Variants in WDR17 observed in about 807,000 individuals in gnomAD.
WDR17 encodes WD repeat domain 17, also known as WD repeat-containing protein 17.
WDR17 carries 143 observed loss-of-function variants against 161.7 expected under a neutral mutation model. That is an observed-to-expected ratio of 0.88 (90% confidence interval 0.77 to 1.02). The LOEUF is 1.02. Ranked by LOEUF, WDR17 falls within the 50% of genes least tolerant of loss-of-function variation. WDR17 has a pLI of 0.00. For missense variants in WDR17, 1,469 were observed against 1,520.9 expected, an observed-to-expected ratio of 0.97 and a Z score of 0.57; for synonymous variants, 517 against 515.6, an observed-to-expected ratio of 1.00 and a Z score of -0.04.
At chr4:176,100,899 A>G (rs1484392645) in intron 1 of WDR17, among the ~76,000 whole-genome samples, 1 of 152,030 alleles carries the variant, frequency 6.6e-6, no homozygotes, top group African/African-American at 2.4e-5. Flanking sequence ...CACTGTAGAT[A>G]TGTGGCTTTA....
chr4:176,163,527 T>C (rs1178453055), intron 22 of WDR17, among the ~76,000 whole-genome samples: 1 of 152,190 alleles, frequency 6.6e-6, no homozygotes, highest in East Asian at 1.9e-4. Flanking sequence ...TGTAATTCCG[T>C]AGTGTTTCAA....
At chr4:176,178,319 A>G (rs1417224587) in intron 28 of WDR17, among the ~76,000 whole-genome samples, 8 of 152,236 alleles carry the variant, frequency 5.3e-5, no homozygotes, top group Admixed American at 4.6e-4. Context: ...TCACAAATAG[A>G]GAACCAAGTC....
chr4:176,078,231 A>G (rs1290012219), intron 1 of WDR17, among the ~76,000 whole-genome samples: 4 of 152,070 alleles, frequency 2.6e-5, no homozygotes, highest in South Asian at 4.1e-4. Context: ...TAAATGTTTG[A>G]ATATTTATAA....
chr4:176,090,863 A>C (rs1407258522), intron 1 of WDR17, among the ~76,000 whole-genome samples: 1 of 152,086 alleles, frequency 6.6e-6, no homozygotes, highest in African/African-American at 2.4e-5. Flanking sequence ...TACAGGAAAC[A>C]AAGGGATGGG....
At chr4:176,124,973 C>T (rs1050376569) in intron 4 of WDR17, 131 bp from the exon 5 acceptor site, 8 of 1,019,706 alleles carry the variant, frequency 7.8e-6, no homozygotes, top group Admixed American at 5.4e-5. Flanking sequence ...ACGCCTTCTG[C>T]ATATAAGCAC....
chr4:176,177,303 C>T (rs1401960135), intron 27 of WDR17, 147 bp downstream of exon 27: 17 of 962,200 alleles, frequency 1.8e-5, no homozygotes, highest in South Asian at 1.2e-4. Flanking sequence ...TTTACAATAC[C>T]GTACTTTTCT....
At chr4:176,159,013 T>C (rs1302980806) in intron 18 of WDR17, among the ~76,000 whole-genome samples, 1 of 152,186 alleles carries the variant, frequency 6.6e-6, no homozygotes, top group East Asian at 1.9e-4. Context: ...AATACTTCGA[T>C]GACTCTATGA....
At chr4:176,067,913 A>G (rs919966986) in intron 1 of WDR17, among the ~76,000 whole-genome samples, 1 of 152,216 alleles carries the variant, frequency 6.6e-6, no homozygotes, top group Non-Finnish European at 1.5e-5. Flanking sequence ...TTAGGTTGTC[A>G]CTATTAATGA....
rs759110938 is a variant in WDR17, at chr4:176,125,280, A to C, written c.715A>C (p.Asn239His). The part of the protein sequence containing the change: ...SESLSCITTF[N>H]LPSAAASVQC... ...ATCACTTTCTTGCATAACAACATTT[A>C]ATCTTCCCAGTGCAGCAGCTTCTGT... is the stretch of plus-strand genomic sequence containing the variant. The change falls in exon 5 of 29, where the codon AAT becomes CAT. Residue 239 changes from asparagine (N) to histidine (H), a missense_variant. Asn to His is a moderately conservative substitution (Grantham distance 68). Coordinates refer to ENST00000508596, the MANE Select transcript of WDR17 (RefSeq NM_181265.4). The C allele has an allele frequency of 2.5e-6, 4 of 1,613,978 alleles. No individual in the cohort carries two copies. The African/African-American group carries it at 5.3e-5, about 22-fold the overall frequency.
At chr4:176,110,198 G>T (rs1288209715) in intron 1 of WDR17, among the ~76,000 whole-genome samples, 1 of 151,954 alleles carries the variant, frequency 6.6e-6, no homozygotes, top group African/African-American at 2.4e-5. Context: ...CTGGAGTGCA[G>T]TGGTGCCATC....
intron 1 of WDR17, among the ~76,000 whole-genome samples, chr4:176,101,688 A>C (rs1737853371): frequency 6.6e-6 from 1 of 152,210 alleles, no homozygotes; most frequent in African/African-American, 2.4e-5. Context: ...CAGATAGATC[A>C]ATGGAACAGA....
intron 1 of WDR17, among the ~76,000 whole-genome samples, chr4:176,100,840 G>T (rs894223530): frequency 1.3e-5 from 2 of 151,966 alleles, no homozygotes; most frequent in African/African-American, 4.8e-5. Flanking sequence ...ATTGAAAAGG[G>T]TATCCTTTCC....
intron 11 of WDR17, among the ~76,000 whole-genome samples, chr4:176,144,348 A>G (rs937693877): frequency 1.3e-5 from 2 of 152,208 alleles, no homozygotes; most frequent in Non-Finnish European, 2.9e-5. Flanking sequence ...TGTAAGCCCT[A>G]TGAGATCGCC....
chr4:176,090,147 A>G (rs1735928165), intron 1 of WDR17, among the ~76,000 whole-genome samples: 1 of 151,530 alleles, frequency 6.6e-6, no homozygotes, highest in Non-Finnish European at 1.5e-5. Context: ...GTTAGGGTAT[A>G]GTGAGGTGTT....
At chr4:176,127,823 G>A (rs901142003) in intron 5 of WDR17, among the ~76,000 whole-genome samples, 4 of 152,112 alleles carry the variant, frequency 2.6e-5, no homozygotes, top group Non-Finnish European at 4.4e-5. Context: ...ATACACACAT[G>A]TGCAAGCATA....
chr4:176,161,055 A>C (rs1259164914), intron 20 of WDR17, 53 bp downstream of exon 20: 37 of 1,495,052 alleles, frequency 2.5e-5, no homozygotes, highest in Non-Finnish European at 3.3e-5. Context: ...TCTTCCCTTT[A>C]GGAATTTTTG....
intron 21 of WDR17, 103 bp from the exon 22 acceptor site, chr4:176,163,051 T>G (rs938638123): frequency 5.5e-5 from 76 of 1,384,230 alleles, no homozygotes; most frequent in Non-Finnish European, 7.5e-5. Context: ...GAATAATTGA[T>G]TTATAGGTTA....
intron 1 of WDR17, among the ~76,000 whole-genome samples, chr4:176,103,098 G>A (rs1445895653): frequency 6.6e-6 from 1 of 152,138 alleles, no homozygotes; most frequent in African/African-American, 2.4e-5. Flanking sequence ...GGGACTTAAA[G>A]GGCTGAATCC....
intron 9 of WDR17, among the ~76,000 whole-genome samples, chr4:176,139,678 A>G (rs1744946271): frequency 6.6e-6 from 1 of 152,134 alleles, no homozygotes. Context: ...ATGTCTTAAA[A>G]CAACAGATTG....
Sources: allele counts gnomAD v4.1 joint callset (sites outside exome capture counted in the v4.1 genomes callset), GRCh38; gene constraint gnomAD v4.1.1; transcripts MANE v1.5; gene names NCBI Gene and HGNC (gene_info 2026-07-23, HGNC 2026-07-21).